Variants in REDIC1 observed in about 807,000 individuals in gnomAD.
The protein encoded by REDIC1 is regulator of DNA class I crossover intermediates 1, also known as HEI10 Interacting Protein 1.
chr12:39,705,362 C>T, the REDIC1 span, among the ~76,000 whole-genome samples: 3 of 152,018 alleles, frequency 2.0e-5, no homozygotes, highest in Admixed American at 2.0e-4. Context: ...GAAGGCTTCA[C>T]TGCTGAATTC....
chr12:39,881,403 G>T, the REDIC1 span, among the ~76,000 whole-genome samples: 1 of 152,048 alleles, frequency 6.6e-6, no homozygotes, highest in African/African-American at 2.4e-5. Flanking sequence ...AATGTTTAAG[G>T]TATGTATGCA....
At chr12:39,735,195 T>G in the REDIC1 span, among the ~76,000 whole-genome samples, 1 of 152,186 alleles carries the variant, frequency 6.6e-6, no homozygotes, top group African/African-American at 2.4e-5. Context: ...GGTCTGAAGC[T>G]GGAAGAACCT....
the REDIC1 span, chr12:39,646,776 A>G: frequency 1.4e-5 from 15 of 1,104,374 alleles, no homozygotes; most frequent in Non-Finnish European, 2.0e-5. Context: ...AATTTTAAAT[A>G]TAGGAAAGGA....
chr12:39,743,522 A>C, the REDIC1 span, among the ~76,000 whole-genome samples: 4 of 152,216 alleles, frequency 2.6e-5, no homozygotes, highest in African/African-American at 9.7e-5. Flanking sequence ...CACGTACCAG[A>C]CTCAGATATA....
chr12:39,634,677 A>G, the REDIC1 span, among the ~76,000 whole-genome samples: 4 of 152,202 alleles, frequency 2.6e-5, no homozygotes, highest in Admixed American at 2.0e-4. Flanking sequence ...CTAACACCAT[A>G]AAAACTCTAG....
chr12:39,816,429 G>T, the REDIC1 span, among the ~76,000 whole-genome samples: 1 of 120,466 alleles, frequency 8.3e-6, no homozygotes, highest in East Asian at 2.6e-4. Flanking sequence ...GGGGCCTGTT[G>T]TGGGGTGGGG....
chr12:39,749,966 G>A, the REDIC1 span, among the ~76,000 whole-genome samples: 1 of 152,172 alleles, frequency 6.6e-6, no homozygotes, highest in Admixed American at 6.5e-5. Context: ...ATATCATACT[G>A]AATGGGCAAA....
At chr12:39,739,705 A>G in the REDIC1 span, among the ~76,000 whole-genome samples, 1 of 152,168 alleles carries the variant, frequency 6.6e-6, no homozygotes, top group Non-Finnish European at 1.5e-5. Flanking sequence ...GCAGTACTGT[A>G]GATTTCCAAA....
the REDIC1 span, among the ~76,000 whole-genome samples, chr12:39,644,371 G>A: frequency 6.6e-6 from 1 of 151,896 alleles, no homozygotes; most frequent in African/African-American, 2.4e-5. Context: ...TTCCTGGGAT[G>A]TTAATCATAG....
chr12:39,750,637 C>A, the REDIC1 span, among the ~76,000 whole-genome samples: 1 of 152,172 alleles, frequency 6.6e-6, no homozygotes, highest in Non-Finnish European at 1.5e-5. Flanking sequence ...AAGCTGGAGG[C>A]ATCACACTAC....
At chr12:39,815,719 A>G in the REDIC1 span, among the ~76,000 whole-genome samples, 2 of 152,246 alleles carry the variant, frequency 1.3e-5, no homozygotes, top group Non-Finnish European at 2.9e-5. Flanking sequence ...ATTTGAAGCA[A>G]TAGCTGAAAA....
the REDIC1 span, among the ~76,000 whole-genome samples, chr12:39,801,395 T>C: frequency 1.5e-5 from 2 of 136,850 alleles, no homozygotes; most frequent in African/African-American, 5.4e-5. Context: ...AGCAAAGGCA[T>C]AAACAAAACA....
the REDIC1 span, among the ~76,000 whole-genome samples, chr12:39,673,150 C>T: frequency 2.0e-5 from 3 of 152,150 alleles, no homozygotes; most frequent in African/African-American, 7.2e-5. Context: ...CCCTCTCCTT[C>T]TGTGCCCCAG....
the REDIC1 span, among the ~76,000 whole-genome samples, chr12:39,834,622 A>G: frequency 0.013 from 1,917 of 152,152 alleles, 19 homozygotes; most frequent in Non-Finnish European, 0.02. Context: ...GAGGTCAAGT[A>G]TCAAAAAGTG....
At chr12:39,733,303 C>A in the REDIC1 span, among the ~76,000 whole-genome samples, 1 of 152,066 alleles carries the variant, frequency 6.6e-6, no homozygotes, top group African/African-American at 2.4e-5. Context: ...TGCTCTTTTG[C>A]CTAGATGCCA....
the REDIC1 span, among the ~76,000 whole-genome samples, chr12:39,793,298 AT>A: frequency 1.3e-5 from 2 of 152,192 alleles, no homozygotes; most frequent in African/African-American, 4.8e-5. Flanking sequence ...AAAATTGTAC[AT>A]TAAAAACTAC....
the REDIC1 span, among the ~76,000 whole-genome samples, chr12:39,881,310 T>C: frequency 6.6e-6 from 1 of 151,998 alleles, no homozygotes; most frequent in Non-Finnish European, 1.5e-5. Flanking sequence ...TAGATGACAA[T>C]ATGAGTGTGG....
At chr12:39,697,696 C>G in the REDIC1 span, among the ~76,000 whole-genome samples, 1 of 152,100 alleles carries the variant, frequency 6.6e-6, no homozygotes, top group Non-Finnish European at 1.5e-5. Flanking sequence ...AGCTTAAAAT[C>G]ATGAGTTCTA....
the REDIC1 span, chr12:39,758,078 T>G: frequency 6.6e-6 from 1 of 151,636 alleles, no homozygotes; most frequent in South Asian, 2.1e-4. Context: ...ATTTTCCCTA[T>G]TAAATCATAT....
Sources: allele counts gnomAD v4.1 joint callset (sites outside exome capture counted in the v4.1 genomes callset), GRCh38; gene constraint gnomAD v4.1.1; transcripts MANE v1.5; gene names NCBI Gene and HGNC (gene_info 2026-07-23, HGNC 2026-07-21).